The following KCTD1 variants were observed in gnomAD, a reference collection of about 807,000 sequenced individuals.
KCTD1 encodes BTB/POZ domain-containing protein KCTD1.
In KCTD1, 24 loss-of-function variants were observed where a neutral mutation model predicts 66.0. The ratio of observed to expected loss-of-function variants is 0.36; its 90% CI spans 0.26 to 0.51. The LOEUF (loss-of-function observed/expected upper bound fraction) is 0.51, where lower values mean the gene tolerates loss of function less well. Ranked by LOEUF, KCTD1 falls within the 20% of genes least tolerant of loss-of-function variation. The probability of loss-of-function intolerance (pLI) is 0.95; values close to 1 mark genes in which losing one functional copy is unlikely to be tolerated. For synonymous variants in KCTD1, 511 were observed against 517.2 expected, an observed-to-expected ratio of 0.99 and a Z score of 0.16; for missense variants, 943 against 1,205.2, an observed-to-expected ratio of 0.78 and a Z score of 3.22.
At chr18:26,628,753 G>C (rs991333636) in intron 1 of KCTD1, among the ~76,000 whole-genome samples, 1 of 152,188 alleles carries the variant, frequency 6.6e-6, no homozygotes, top group Admixed American at 6.5e-5. Context: ...TTTTGGGGAA[G>C]GGGTATGGGG....
At chr18:26,526,606 AAG>A (rs1305846077) in intron 1 of KCTD1, among the ~76,000 whole-genome samples, 1 of 152,210 alleles carries the variant, frequency 6.6e-6, no homozygotes, top group African/African-American at 2.4e-5. Context: ...CAAAATCAGA[AAG>A]AGCAAAAGTC....
chr18:26,580,702 C>T (rs1986332633), intron 1 of KCTD1, among the ~76,000 whole-genome samples: 2 of 152,178 alleles, frequency 1.3e-5, no homozygotes, highest in African/African-American at 4.8e-5. Flanking sequence ...TGGCCTGCAG[C>T]TAATCCGGCC....
At chr18:26,539,107 A>T (rs1357205744) in intron 1 of KCTD1, among the ~76,000 whole-genome samples, 1 of 152,236 alleles carries the variant, frequency 6.6e-6, no homozygotes, top group Non-Finnish European at 1.5e-5. Flanking sequence ...TTATTTGAAC[A>T]GTTGATATGA....
chr18:26,471,557 G>C (rs1286009363), intron 3 of KCTD1, among the ~76,000 whole-genome samples: 2 of 152,102 alleles, frequency 1.3e-5, no homozygotes, highest in African/African-American at 2.4e-5. Flanking sequence ...GGTCAGGGAT[G>C]GGGTAGGATG....
At chr18:26,605,724 ATATCTATC>A (rs10680402) in intron 1 of KCTD1, among the ~76,000 whole-genome samples, 1,412 of 136,134 alleles carry the variant, frequency 0.01, 13 homozygotes, top group South Asian at 0.018. Flanking sequence ...ATATATCTCT[ATATCTATC>A]TATCTATCTA....
chr18:26,606,342 AG>A (rs1202772691), intron 1 of KCTD1, among the ~76,000 whole-genome samples: 2 of 152,128 alleles, frequency 1.3e-5, no homozygotes, highest in Non-Finnish European at 2.9e-5. Context: ...CCAGTTTTTT[AG>A]GTTAACTTTG....
chr18:26,543,002 T>G (rs1985045571), intron 1 of KCTD1: 1 of 132,022 alleles, frequency 7.6e-6, no homozygotes, highest in Non-Finnish European at 1.7e-5. Context: ...TTTGATCTAG[T>G]TTAAACAGAT....
chr18:26,591,463 CTAA>C (rs780792018), intron 1 of KCTD1: 1 of 150,326 alleles, frequency 6.7e-6, no homozygotes, highest in Non-Finnish European at 1.5e-5. Context: ...ACTACTACTA[CTAA>C]TAATTTAAAA....
intron 1 of KCTD1, among the ~76,000 whole-genome samples, chr18:26,613,313 T>G (rs1485047433): frequency 6.6e-6 from 1 of 152,182 alleles, no homozygotes. Flanking sequence ...ACGATTTCCT[T>G]TTTAAATTAA....
chr18:26,518,489 C>T (rs1309936493), intron 1 of KCTD1, among the ~76,000 whole-genome samples: 2 of 152,280 alleles, frequency 1.3e-5, no homozygotes, highest in South Asian at 2.1e-4. Flanking sequence ...TGGTCTTGAA[C>T]TCCTGACCTT....
chr18:26,464,049 CCCTAGA>C (rs1567955304), intron 3 of KCTD1, among the ~76,000 whole-genome samples: 1 of 152,158 alleles, frequency 6.6e-6, no homozygotes, highest in African/African-American at 2.4e-5. Context: ...AAAATATCCT[CCCTAGA>C]GGGAGGAAAA....
intron 1 of KCTD1, among the ~76,000 whole-genome samples, chr18:26,592,831 G>T (rs1422003164): frequency 1.3e-5 from 2 of 152,222 alleles, no homozygotes; most frequent in African/African-American, 2.4e-5. Context: ...AGAGATCTGG[G>T]TTTAAAAGTT....
intron 1 of KCTD1, among the ~76,000 whole-genome samples, chr18:26,558,706 G>A (rs982506953): frequency 3.9e-5 from 6 of 152,088 alleles, no homozygotes; most frequent in Admixed American, 2.6e-4. Flanking sequence ...GGCGGATCAC[G>A]AGGTCAAGAG....
Position 26,455,718 on chromosome 18 carries a change from C to CT in KCTD1, c.*24dup. The CT allele has an allele frequency of 8.1e-6, 13 of 1,613,694 alleles. No homozygotes were observed. Among genetic ancestry groups the CT allele is most frequent in the Non-Finnish European group, 1.1e-5 (13 of 1,179,904 alleles). ...TGAGTTATTGGTTGTGTGTGTTTTC[C>CT]TTTTTGCATAAGAAATATGTCCATT... On this transcript the variant is annotated 3_prime_UTR_variant, in exon 5 of 5. Transcript: ENST00000580059.
intron 1 of KCTD1, among the ~76,000 whole-genome samples, chr18:26,616,462 CATAT>C (rs10639008): frequency 1.0e-4 from 15 of 147,520 alleles, no homozygotes; most frequent in Non-Finnish European, 2.1e-4. Flanking sequence ...CCCTTACATA[CATAT>C]ATATATATAT....
chr18:26,484,037 C>G (rs1981787743), intron 2 of KCTD1, among the ~76,000 whole-genome samples: 1 of 152,190 alleles, frequency 6.6e-6, no homozygotes, highest in Admixed American at 6.5e-5. Flanking sequence ...GAATGCGATG[C>G]TGGAGATAAT....
At chr18:26,541,150 G>C (rs888044459) in intron 1 of KCTD1, among the ~76,000 whole-genome samples, 3 of 152,128 alleles carry the variant, frequency 2.0e-5, no homozygotes, top group African/African-American at 7.2e-5. Context: ...CTCATCACTA[G>C]AGGCCTGCAC....
chr18:26,554,840 G>A (rs948261338), intron 1 of KCTD1, among the ~76,000 whole-genome samples: 1 of 152,128 alleles, frequency 6.6e-6, no homozygotes, highest in Non-Finnish European at 1.5e-5. Flanking sequence ...GAGCCTAAGA[G>A]TGTACCATCT....
At position 26,584,000 on chromosome 18, in the gene KCTD1, T is replaced by G. The variant is rs563088137; in HGVS notation, c.-16+45147A>C. ...CCTCAAGTTAACATCAGTCCACAGA[T>G]CAAGAAATAAATCCATATAGTGGCC... is the stretch of plus-strand genomic sequence containing the variant. On this transcript the variant is annotated intron_variant, in intron 1 of 4. Coordinates refer to the KCTD1 transcript ENST00000317932. Among the ~76,000 whole-genome samples the G allele has an allele frequency of 3.9e-5, 6 of 152,332 alleles. No homozygotes were observed. In the East Asian group the frequency reaches 1.2e-3, roughly 29 times the overall value.
Sources: allele counts gnomAD v4.1 joint callset (sites outside exome capture counted in the v4.1 genomes callset), GRCh38; gene constraint gnomAD v4.1.1; transcripts MANE v1.5; gene names NCBI Gene and HGNC (gene_info 2026-07-23, HGNC 2026-07-21).